POSTN: variants seen among roughly 807,000 people sequenced by gnomAD.
POSTN encodes osteoblast specific factor 2 (fasciclin I-like).
A neutral mutation model predicts 104.5 loss-of-function variants in POSTN; 71 were observed. The observed-to-expected ratio is 0.68, with a 90% CI of 0.56 to 0.83. The LOEUF (loss-of-function observed/expected upper bound fraction) is 0.83. Among genes scored for constraint, POSTN ranks in the 40% least tolerant of loss-of-function variants. The probability of loss-of-function intolerance (pLI) is 0.00; values close to 1 mark genes in which losing one functional copy is unlikely to be tolerated. For synonymous variants in POSTN, 355 were observed against 340.7 expected (o/e 1.04, Z -0.46); for missense variants, 949 against 1,006.8 (o/e 0.94, Z 0.78).
In POSTN at chr13:37,563,153, C is replaced by CAGGAGGCT; in HGVS notation, c.*179_*180insAGCCTCCT. 3 of 417,246 alleles carry CAGGAGGCT rather than the reference C, an allele frequency of 7.2e-6. No individual in the cohort carries two copies. Among genetic ancestry groups the CAGGAGGCT allele is most frequent in the Non-Finnish European group, 1.3e-5 (3 of 230,998 alleles). The allele number at this position is 417,246 out of a possible 1,614,324, so 25.8% of individuals were successfully genotyped here. ...CCTTTACCACAGGAGGCTAACTCCACAATTTCCCTCATGTTTCTCATTCAG... is the reference window on the plus strand; with the variant it reads ...CCTTTACCACAGGAGGCTAACTCCACAGGAGGCTAATTTCCCTCATGTTTCTCATTCAG... On this transcript the variant is annotated 3_prime_UTR_variant, in exon 23 of 23. Transcript: ENST00000379747.
intron 2 of POSTN, among the ~76,000 whole-genome samples, chr13:37,595,598 A>G (rs1264524848): frequency 6.6e-6 from 1 of 152,170 alleles, no homozygotes; most frequent in Non-Finnish European, 1.5e-5. Context: ...CATTTCAAAT[A>G]GGCATCTGGT....
chr13:37,576,166 C>G (rs1950404027), intron 16 of POSTN, among the ~76,000 whole-genome samples: 1 of 152,020 alleles, frequency 6.6e-6, no homozygotes, highest in Non-Finnish European at 1.5e-5. Flanking sequence ...GCATCCTTCC[C>G]CTCAACTATA....
intron 21 of POSTN, chr13:37,565,428 C>A (rs1036879134): frequency 6.6e-6 from 1 of 151,840 alleles, no homozygotes; most frequent in Non-Finnish European, 1.5e-5. Context: ...ATTTTGACTT[C>A]TTTTATATGT....
chr13:37,567,520 T>C (rs1950149801), intron 21 of POSTN, among the ~76,000 whole-genome samples: 2 of 152,192 alleles, frequency 1.3e-5, no homozygotes, highest in South Asian at 2.1e-4. Flanking sequence ...GTCCAATTAA[T>C]GCTGGTACTA....
chr13:37,564,435 C>T, intron 22 of POSTN, 84 bp downstream of exon 22: 6 of 764,654 alleles, frequency 7.8e-6, no homozygotes, highest in Non-Finnish European at 1.3e-5. Flanking sequence ...CAATAAAATA[C>T]TTTAAAATCT....
intron 16 of POSTN, 55 bp downstream of exon 16, chr13:37,577,695 ATTG>A: frequency 1.9e-6 from 3 of 1,592,014 alleles, no homozygotes; most frequent in Non-Finnish European, 1.7e-6. Flanking sequence ...AAAGAAATGT[ATTG>A]TTTTCTTTTT....
At chr13:37,578,941 G>T (rs780655312) in intron 14 of POSTN, 30 bp from the exon 15 acceptor site, 1 of 1,595,276 alleles carries the variant, frequency 6.3e-7, no homozygotes, top group Admixed American at 1.8e-5. Flanking sequence ...ATGAATATTG[G>T]TAAGAAAGCA....
intron 2 of POSTN, among the ~76,000 whole-genome samples, chr13:37,596,321 C>A (rs1372235159): frequency 1.3e-5 from 2 of 152,012 alleles, no homozygotes; most frequent in Non-Finnish European, 2.9e-5. Context: ...GGGATGACAC[C>A]TAAACCTTTC....
Position 37,586,180 on chromosome 13 carries a change from C to A in POSTN, c.854G>T (p.Gly285Val). The A allele has an allele frequency of 6.2e-7, 1 of 1,613,788 alleles. No homozygotes were observed. Residue 285 changes from glycine to valine, a missense_variant, in exon 7 of 23, where the codon GGT becomes GTT. By Grantham distance (109) the Gly-to-Val change is moderately radical. Coordinates refer to ENST00000379747, the MANE Select transcript of POSTN (RefSeq NM_006475.3). The part of the protein sequence containing the change: ...TNEAFEKLPR[G>V]VLERIMGDKV... ...GTCTCCCATGATCCTTTCTAGGACA[C>A]CTCGTGGAAGTTTCTCAAAAGCCTC... is the stretch of plus-strand genomic sequence containing the variant.
chr13:37,583,965 A>G lies in POSTN; in HGVS notation c.1243+4T>C, dbSNP rs755488925. 4.3e-6 allele frequency: 7 copies of G among 1,613,556 alleles called. No homozygotes were observed. In the South Asian group the frequency reaches 5.5e-5, roughly 13 times the overall value. The stretch of plus-strand genomic sequence containing the variant: ...GAGCAGGAACAACAGTGTCCAGCAC[A>G]TACCAGAAAATGCATTATTCACAGG... On this transcript the variant is annotated splice_donor_region_variant and intron_variant, in intron 9 of 22. Transcript: ENST00000379747.
chr13:37,573,854 A>G (rs2138206223), intron 17 of POSTN, among the ~76,000 whole-genome samples: 1 of 151,730 alleles, frequency 6.6e-6, no homozygotes, highest in African/African-American at 2.4e-5. Context: ...AAGTTGGCTA[A>G]CATACATAGT....
chr13:37,588,424 A>G (rs1852391781), intron 4 of POSTN, among the ~76,000 whole-genome samples: 1 of 152,158 alleles, frequency 6.6e-6, no homozygotes, highest in African/African-American at 2.4e-5. Context: ...ACTGTCCTGT[A>G]CCTTTTTATC....
intron 21 of POSTN, among the ~76,000 whole-genome samples, chr13:37,566,175 G>A (rs1442813090): frequency 1.3e-5 from 2 of 152,120 alleles, no homozygotes; most frequent in Non-Finnish European, 2.9e-5. Context: ...GCAGCTCTCT[G>A]CTATGTCAAC....
chr13:37,569,313 T>G lies in POSTN; in HGVS notation c.2418A>C (p.Arg806Ser), dbSNP rs769269189. The change falls in exon 21 of 23, where the codon AGA (arginine) becomes AGC (serine). Residue 806 changes from arginine (R) to serine (S), a missense_variant. Physicochemically the swap from Arg to Ser is moderately radical, Grantham distance 110. Transcript: ENST00000379747. ...CCTTTTACTAACCTCCCTGAAGCAG[T>G]CTTTTAATTTCTTCATCTTCAAATA... The part of the protein sequence containing the change: ...GHLFEDEEIK[R>S]LLQGDTPVRK... 6.2e-7 allele frequency: 1 copy of G among 1,612,118 alleles called. No homozygotes were observed. Among genetic ancestry groups the G allele is most frequent in the South Asian group, 1.1e-5 (1 of 91,032 alleles).
chr13:37,582,569 T>G (rs2274082), intron 9 of POSTN, 55 bp from the exon 10 acceptor site: 479,632 of 1,455,162 alleles, frequency 0.33, 82,153 homozygotes, highest in Non-Finnish European at 0.35. Flanking sequence ...ACATTGAAGT[T>G]TCTCCCGGTA....
intron 14 of POSTN, 44 bp downstream of exon 14, chr13:37,578,974 AT>A (rs1188183268): frequency 6.3e-7 from 1 of 1,597,172 alleles, no homozygotes; most frequent in African/African-American, 1.4e-5. Flanking sequence ...CGAGGTTCAT[AT>A]TAAAAAAAGA....
Position 37,588,574 on chromosome 13 carries a change from A to G in POSTN, c.442-588T>C, listed in dbSNP as rs145236787. 9.2e-5 allele frequency among the ~76,000 whole-genome samples: 14 copies of G among 152,270 alleles called. No homozygotes were observed. In the East Asian group the frequency reaches 2.1e-3, roughly 23 times the overall value. On this transcript the variant is annotated intron_variant, in intron 4 of 22. Transcript: ENST00000379747. ...GTAAGATATAGGACAGAGGGGAAAA[A>G]TGCTTTCAGGGCTCCAATAAGAAAG...
In POSTN at chr13:37,584,661, T is replaced by TG. The variant is rs1950692699; in HGVS notation, c.1108+54_1108+55insC. ...GGACTTACTCTTTGAGACAGCATAA[T>TG]TAGTAAATTACAGTAAGTAAAAAAA... On this transcript the variant is annotated intron_variant, in intron 8 of 22. Coordinates refer to ENST00000379747, the MANE Select transcript of POSTN (RefSeq NM_006475.3). 8.7e-6 allele frequency: 12 copies of TG among 1,382,134 alleles called. No homozygotes were observed. In the Admixed American group the frequency reaches 2.0e-4, roughly 23 times the overall value. 85.6% of individuals were successfully genotyped at this position (1,382,134 alleles called of 1,614,324 possible). A position where few individuals can be genotyped will look rare whatever the true frequency, so the allele number is the denominator to read the frequency against.
intron 19 of POSTN, 48 bp from the exon 20 acceptor site, chr13:37,569,869 T>A: frequency 7.8e-7 from 1 of 1,286,446 alleles, no homozygotes; most frequent in Non-Finnish European, 1.1e-6. Flanking sequence ...TAGGCAAACT[T>A]CTTCTGCGAA....
Sources: gnomAD v4.1 joint callset for allele counts (sites outside exome capture counted in the v4.1 genomes callset) on GRCh38, gnomAD v4.1.1 for gene constraint, MANE v1.5 for transcripts, NCBI Gene and HGNC (gene_info 2026-07-23, HGNC 2026-07-21) for gene names.